The following WDR72 variants were observed in gnomAD, a reference collection of about 807,000 sequenced individuals.
The protein encoded by WDR72 is WD repeat domain 72, also known as WD repeat-containing protein 72.
Under a neutral mutation model 124.2 loss-of-function variants are expected in WDR72, and 120 were observed. That is an observed-to-expected ratio of 0.97 (90% CI 0.83 to 1.12). The LOEUF (loss-of-function observed/expected upper bound fraction) is 1.12, where lower values mean the gene tolerates loss of function less well. WDR72 is among the 50% of genes most tolerant of loss of function. WDR72 has a pLI of 0.00. For synonymous variants in WDR72, 452 were observed against 441.7 expected (o/e 1.02, Z -0.29); for missense variants, 1,387 against 1,278.8 (o/e 1.08, Z -1.29).
rs566675221 is a variant in WDR72 at position 53,745,903 on chromosome 15, A to G, written c.-12-12742T>C. On this transcript the variant is annotated intron_variant, in intron 1 of 19. Transcript: ENST00000360509. ...CAGGTTTACTAACAGCCCATCCAGAACTTGCTCCTTACACACAATTGCAAA... is the reference window on the plus strand; with the variant it reads ...CAGGTTTACTAACAGCCCATCCAGAGCTTGCTCCTTACACACAATTGCAAA... 1.6e-4 allele frequency among the ~76,000 whole-genome samples: 24 copies of G among 152,292 alleles called. 1 individual carries two copies. In the South Asian group the frequency reaches 5.0e-3, roughly 32 times the overall value.
intron 18 of WDR72, among the ~76,000 whole-genome samples, chr15:53,548,185 T>C (rs1029919347): frequency 6.6e-6 from 1 of 152,242 alleles, no homozygotes; most frequent in Non-Finnish European, 1.5e-5. Context: ...ATCTTCTACC[T>C]AAATCATCTT....
chr15:53,698,483 A>G (rs926630937), intron 13 of WDR72, among the ~76,000 whole-genome samples: 3 of 152,208 alleles, frequency 2.0e-5, no homozygotes, highest in Non-Finnish European at 4.4e-5. Context: ...GGTACTGTTT[A>G]TAAGCATTGT....
At chr15:53,751,843 A>T (rs1236520290) in intron 1 of WDR72, among the ~76,000 whole-genome samples, 1 of 152,160 alleles carries the variant, frequency 6.6e-6, no homozygotes, top group Non-Finnish European at 1.5e-5. Flanking sequence ...TGTCCTTGGG[A>T]AGGTTATTTT....
Position 53,560,862 on chromosome 15 carries a change from C to CA in WDR72, c.3148+36216dup, listed in dbSNP as rs869137808. On this transcript the variant is annotated intron_variant, in intron 18 of 19. Transcript: ENST00000360509. The stretch of plus-strand genomic sequence containing the variant: ...TTGTGTCCTCCCAGCCCCGGCCCCC[C>CA]AAAAAAAACACAGGGAGAGAATGAA... Among the ~76,000 whole-genome samples, 29 of 150,864 alleles carry CA rather than the reference C, an allele frequency of 1.9e-4. 1 individual carries two copies. Among genetic ancestry groups the CA allele is most frequent in the Admixed American group, 4.6e-4 (7 of 15,116 alleles).
intron 14 of WDR72, among the ~76,000 whole-genome samples, chr15:53,644,818 G>A (rs1270490985): frequency 6.6e-6 from 1 of 152,104 alleles, no homozygotes; most frequent in African/African-American, 2.4e-5. Flanking sequence ...ATCTGCAGCT[G>A]ATGCACAGGA....
At chr15:53,683,716 GGAGAGA>G (rs142068467) in intron 13 of WDR72, among the ~76,000 whole-genome samples, 1,956 of 152,062 alleles carry the variant, frequency 0.013, 38 homozygotes, top group East Asian at 0.067. Flanking sequence ...GAACCACACA[GGAGAGA>G]GAGAAAGAGG....
chr15:53,735,351 G>A lies in WDR72; in HGVS notation c.-12-2190C>T, dbSNP rs896472093. Among the ~76,000 whole-genome samples the A allele has an allele frequency of 3.3e-5, 5 of 152,132 alleles. No individual in the cohort carries two copies. The East Asian group carries it at 5.8e-4, about 18-fold the overall frequency. On this transcript the variant is annotated intron_variant, in intron 1 of 19. Transcript: ENST00000360509. ...CAGCAACTGGAACTCATACACTGAC[G>A]GGGGGAACGTACAATGGAAAACAGT...
At chr15:53,724,595 G>T (rs1271294659) in intron 2 of WDR72, among the ~76,000 whole-genome samples, 1 of 152,080 alleles carries the variant, frequency 6.6e-6, no homozygotes, top group South Asian at 2.1e-4. Context: ...ATAGGATCTC[G>T]CGAGAACTCA....
intron 11 of WDR72, among the ~76,000 whole-genome samples, chr15:53,702,621 T>G (rs1203854434): frequency 1.3e-5 from 2 of 152,030 alleles, no homozygotes; most frequent in Non-Finnish European, 2.9e-5. Context: ...GCCTGTAATA[T>G]CAGCAGTTTG....
intron 18 of WDR72, among the ~76,000 whole-genome samples, chr15:53,589,186 A>C (rs554649241): frequency 6.6e-6 from 1 of 152,006 alleles, no homozygotes; most frequent in South Asian, 2.1e-4. Flanking sequence ...GGGGGTTACA[A>C]ACTAGATTCA....
At chr15:53,604,283 G>C (rs910913007) in intron 17 of WDR72, among the ~76,000 whole-genome samples, 1 of 152,178 alleles carries the variant, frequency 6.6e-6, no homozygotes, top group African/African-American at 2.4e-5. Flanking sequence ...GCCACATGCA[G>C]AAGATTAAAA....
At chr15:53,697,523 T>C (rs1379795997) in intron 13 of WDR72, among the ~76,000 whole-genome samples, 1 of 152,184 alleles carries the variant, frequency 6.6e-6, no homozygotes, top group Non-Finnish European at 1.5e-5. Flanking sequence ...TGTTTTCTCC[T>C]CTTTTTGCTT....
chr15:53,730,635 C>A (rs1218853025), intron 2 of WDR72, among the ~76,000 whole-genome samples: 2 of 152,148 alleles, frequency 1.3e-5, no homozygotes, highest in Non-Finnish European at 2.9e-5. Flanking sequence ...CCATGCCCGA[C>A]TTCCTTCTCT....
chr15:53,559,079 T>C (rs995832826), intron 18 of WDR72, among the ~76,000 whole-genome samples: 1 of 152,004 alleles, frequency 6.6e-6, no homozygotes, highest in Non-Finnish European at 1.5e-5. Context: ...TTCACAGAAA[T>C]ATAGCCCAAA....
At chr15:53,738,640 A>G (rs1266522636) in intron 1 of WDR72, among the ~76,000 whole-genome samples, 2 of 152,150 alleles carry the variant, frequency 1.3e-5, no homozygotes, top group Non-Finnish European at 2.9e-5. Flanking sequence ...CTTGTCGCCC[A>G]TGCTGAAGTG....
chr15:53,735,401 C>T lies in WDR72; in HGVS notation c.-12-2240G>A, dbSNP rs75923277. Among the ~76,000 whole-genome samples the T allele has an allele frequency of 2.3e-4, 35 of 152,218 alleles. No individual in the cohort carries two copies. In the East Asian group the frequency reaches 6.6e-3, roughly 29 times the overall value. ...TTTGGCAGAAATAGGTCAGTGATTGCTCAGGGAAAGAAAGAACAGGGAACA... is the reference window on the plus strand; with the variant it reads ...TTTGGCAGAAATAGGTCAGTGATTGTTCAGGGAAAGAAAGAACAGGGAACA... On this transcript the variant is annotated intron_variant, in intron 1 of 19. Transcript: ENST00000360509.
chr15:53,586,720 G>A (rs1009011305), intron 18 of WDR72, among the ~76,000 whole-genome samples: 1 of 152,070 alleles, frequency 6.6e-6, no homozygotes, highest in Non-Finnish European at 1.5e-5. Context: ...AGATGAAAGT[G>A]AATGAATAGG....
Position 53,715,183 on chromosome 15 carries a change from C to T in WDR72, c.514+10G>A, listed in dbSNP as rs372599318. The T allele has an allele frequency of 1.9e-5, 30 of 1,613,236 alleles. No homozygotes were observed. The African/African-American group carries it at 3.7e-4, about 20-fold the overall frequency. On this transcript the variant is annotated intron_variant, in intron 5 of 19. Coordinates refer to ENST00000360509, the MANE Select transcript of WDR72 (RefSeq NM_182758.4). The stretch of plus-strand genomic sequence containing the variant: ...AATCTCTCTACTGTCAGATAATATC[C>T]AACTATTACCTTGAATTCTCATGGA...
chr15:53,714,795 C>G (rs572249119), intron 5 of WDR72, among the ~76,000 whole-genome samples: 2 of 152,278 alleles, frequency 1.3e-5, no homozygotes, highest in South Asian at 2.1e-4. Context: ...AAGTGAGGCG[C>G]CAACTTCCAC....
Sources: gnomAD v4.1 joint callset for allele counts (sites outside exome capture counted in the v4.1 genomes callset) on GRCh38, gnomAD v4.1.1 for gene constraint, MANE v1.5 for transcripts, NCBI Gene and HGNC (gene_info 2026-07-23, HGNC 2026-07-21) for gene names.